The following CD3G variants were observed in gnomAD, a reference collection of about 807,000 sequenced individuals.
CD3G encodes the protein T-cell surface glycoprotein CD3 gamma chain.
CD3G carries 24 observed loss-of-function variants against 28.3 expected under a neutral mutation model. The ratio of observed to expected loss-of-function variants is 0.85; its 90% CI spans 0.61 to 1.19. The LOEUF is 1.19. CD3G is among the 50% of genes most tolerant of loss of function. The pLI is 0.00. For synonymous variants in CD3G, 71 were observed against 75.9 expected (o/e 0.93, Z 0.34); for missense variants, 211 against 210.0 (o/e 1.00, Z -0.03).
intron 6 of CD3G, 79 bp from the exon 7 acceptor site, chr11:118,353,040 T>A (rs1305666304): frequency 6.3e-6 from 1 of 159,030 alleles, no homozygotes; most frequent in Admixed American, 5.9e-5. Flanking sequence ...AATTAATCTA[T>A]CTGAAGTTTC....
rs1327420024 is a variant in CD3G at position 118,354,649 on chromosome 11, A to G, written c.*1549A>G. 6.6e-6 allele frequency: 1 copy of G among 151,966 alleles called. No individual in the cohort carries two copies. Among genetic ancestry groups the G allele is most frequent in the Non-Finnish European group, 1.5e-5 (1 of 67,984 alleles). 9.4% of individuals were successfully genotyped at this position (151,966 alleles called of 1,614,324 possible). On this transcript the variant is annotated 3_prime_UTR_variant, in exon 7 of 7. Transcript: ENST00000532917. The stretch of plus-strand genomic sequence containing the variant: ...GCGCCAGGCCCGTAACTGTATTTTA[A>G]TATAGCCATTCTATGGATTTAATAT...
chr11:118,350,901 A>AAC, intron 4 of CD3G: 1 of 1,197,346 alleles, frequency 8.4e-7, no homozygotes, highest in Non-Finnish European at 1.1e-6. Context: ...AAAAAAAAAA[A>AAC]AACAAAAACA....
chr11:118,345,342 G>C (rs1242619700), intron 1 of CD3G, among the ~76,000 whole-genome samples: 1 of 152,200 alleles, frequency 6.6e-6, no homozygotes, highest in Admixed American at 6.5e-5. Context: ...ATGTTAAAGA[G>C]AGCCCACTAA....
rs1948439267 is a variant in CD3G, at chr11:118,355,150, A to G, written c.*2050A>G. 2.0e-5 allele frequency: 3 copies of G among 151,902 alleles called. No individual in the cohort carries two copies. Among genetic ancestry groups the G allele is most frequent in the Admixed American group, 2.0e-4 (3 of 15,242 alleles). 9.4% of individuals were successfully genotyped at this position (151,902 alleles called of 1,614,324 possible). A position where few individuals can be genotyped will look rare whatever the true frequency, so the allele number is the denominator to read the frequency against. Reference sequence around the variant, plus strand: ...ATTTGTAACAAACACAAATAAATTGAATTGTTGGGCACTTGTATTTGCATT... The same window carrying G: ...ATTTGTAACAAACACAAATAAATTGGATTGTTGGGCACTTGTATTTGCATT... On this transcript the variant is annotated 3_prime_UTR_variant, in exon 7 of 7. Transcript: ENST00000532917.
chr11:118,344,788 A>G (rs1039453925), intron 1 of CD3G, among the ~76,000 whole-genome samples: 1 of 152,252 alleles, frequency 6.6e-6, no homozygotes, highest in Admixed American at 6.5e-5. Flanking sequence ...AACTAAAAGG[A>G]AAAAGTATAT....
intron 1 of CD3G, among the ~76,000 whole-genome samples, chr11:118,345,204 G>GA (rs912275394): frequency 6.7e-5 from 10 of 149,032 alleles, no homozygotes; most frequent in South Asian, 6.4e-4. Context: ...GGCAGTTAGA[G>GA]AAAAAAAAAC....
At chr11:118,351,695 G>A (rs753227725) in intron 5 of CD3G, 24 bp downstream of exon 5, 25 of 1,610,926 alleles carry the variant, frequency 1.6e-5, no homozygotes, top group Non-Finnish European at 2.1e-5. Context: ...GAATAAAAGA[G>A]ACATTGCTGT....
At chr11:118,346,775 T>C (rs1439499899) in intron 1 of CD3G, among the ~76,000 whole-genome samples, 3 of 141,406 alleles carry the variant, frequency 2.1e-5, no homozygotes, top group African/African-American at 5.4e-5. Context: ...ATCACACCAC[T>C]GCACTTCAGC....
At chr11:118,345,519 C>A (rs3212264) in intron 1 of CD3G, among the ~76,000 whole-genome samples, 35,488 of 151,908 alleles carry the variant, frequency 0.23, 4,634 homozygotes, top group East Asian at 0.5. Flanking sequence ...TCTTTAAAGA[C>A]ATTTGGATGA....
At chr11:118,348,317 T>C (rs908127923) in intron 1 of CD3G, among the ~76,000 whole-genome samples, 2 of 152,192 alleles carry the variant, frequency 1.3e-5, no homozygotes, top group Non-Finnish European at 2.9e-5. Flanking sequence ...ACCCTCCTCA[T>C]TGATAATTTG....
chr11:118,351,138 G>C (rs1400106009), intron 4 of CD3G, among the ~76,000 whole-genome samples: 1 of 136,328 alleles, frequency 7.3e-6, no homozygotes, highest in Non-Finnish European at 1.5e-5. Flanking sequence ...CGTGAGCCGA[G>C]ATCGTGCCAC....
chr11:118,350,904 C>A (rs1963459), intron 4 of CD3G: 470,136 of 829,436 alleles, frequency 0.57, 130,291 homozygotes, highest in Admixed American at 0.67. Context: ...AAAAAAAAAA[C>A]AAAAACAGGC....
At chr11:118,344,522 G>A in intron 1 of CD3G, 44 bp downstream of exon 1, 2 of 1,453,492 alleles carry the variant, frequency 1.4e-6, no homozygotes, top group Non-Finnish European at 1.9e-6. Flanking sequence ...AAGGGCTCAA[G>A]GGAAGAGCCC....
chr11:118,346,623 C>A (rs1357882773), intron 1 of CD3G, among the ~76,000 whole-genome samples: 1 of 151,738 alleles, frequency 6.6e-6, no homozygotes, highest in Non-Finnish European at 1.5e-5. Context: ...CAAGACCAAC[C>A]TGGGCAAAAT....
Position 118,350,542 on chromosome 11 carries a change from T to C in CD3G, c.308-10T>C. ...GCAACCTGAAGGTTTGTCTCTCCTT[T>C]TCCCTACAGTGTGTCAGAACTGCAT... On this transcript the variant is annotated splice_polypyrimidine_tract_variant and intron_variant, in intron 3 of 6. Coordinates refer to ENST00000532917, the MANE Select transcript of CD3G (RefSeq NM_000073.3). 1 of 1,605,754 alleles carries C rather than the reference T, an allele frequency of 6.2e-7. No individual in the cohort carries two copies.
intron 4 of CD3G, chr11:118,350,889 GAAAA>G: frequency 8.0e-6 from 5 of 628,610 alleles, no homozygotes; most frequent in Non-Finnish European, 9.9e-6. Context: ...CTCCCTCTGT[GAAAA>G]AAAAAAAAAA....
chr11:118,349,662 C>A, intron 2 of CD3G, 81 bp from the exon 3 acceptor site: 1 of 1,060,088 alleles, frequency 9.4e-7, no homozygotes. Flanking sequence ...AAACACTACT[C>A]TAATGATCTC....
At chr11:118,350,531 T>G in intron 3 of CD3G, 21 bp from the exon 4 acceptor site, 1 of 1,587,146 alleles carries the variant, frequency 6.3e-7, no homozygotes, top group Non-Finnish European at 8.7e-7. Context: ...CCTGAAGGTT[T>G]GTCTCTCCTT....
At position 118,349,010 on chromosome 11, in the gene CD3G, C is replaced by A. The variant is rs201370125; in HGVS notation, c.56-17C>A. 4.8e-5 allele frequency: 77 copies of A among 1,613,988 alleles called. 1 individual carries two copies. Among genetic ancestry groups the A allele is most frequent in the Non-Finnish European group, 6.3e-5 (74 of 1,179,936 alleles). On this transcript the variant is annotated splice_polypyrimidine_tract_variant and intron_variant, in intron 1 of 6. Coordinates refer to ENST00000532917, the MANE Select transcript of CD3G (RefSeq NM_000073.3). Reference sequence around the variant, plus strand: ...TCCATGCCCAGCTAATACTCTATCTCTCTTCTGTCTTTACAGGTACTTTGG... The same window carrying A: ...TCCATGCCCAGCTAATACTCTATCTATCTTCTGTCTTTACAGGTACTTTGG...
Sources: allele counts gnomAD v4.1 joint callset (sites outside exome capture counted in the v4.1 genomes callset), GRCh38; gene constraint gnomAD v4.1.1; transcripts MANE v1.5; gene names NCBI Gene and HGNC (gene_info 2026-07-23, HGNC 2026-07-21).